WWC1: variants seen among roughly 807,000 people sequenced by gnomAD.
The protein encoded by WWC1 is protein KIBRA.
In WWC1, 55 loss-of-function variants were observed where a neutral mutation model predicts 138.4. The ratio of observed to expected loss-of-function variants is 0.40; its 90% CI spans 0.32 to 0.50. WWC1 has a LOEUF of 0.50. Among genes scored for constraint, WWC1 ranks in the 20% least tolerant of loss-of-function variants. WWC1 has a pLI of 0.72. For synonymous variants in WWC1, 524 were observed against 564.9 expected (o/e 0.93, Z 1.03); for missense variants, 1,226 against 1,420.4 (o/e 0.86, Z 2.20).
intron 1 of WWC1, among the ~76,000 whole-genome samples, chr5:168,367,488 C>T (rs1319311048): frequency 2.0e-5 from 3 of 148,550 alleles, no homozygotes; most frequent in East Asian, 2.0e-4. Context: ...CCCGCCACTG[C>T]GCCCGGCTAA....
chr5:168,406,446 C>A, intron 6 of WWC1, 119 bp downstream of exon 6: 2 of 1,419,998 alleles, frequency 1.4e-6, no homozygotes, highest in Non-Finnish European at 1.9e-6. Flanking sequence ...CATTACCAGT[C>A]TTCCTGGGGT....
At position 168,428,698 on chromosome 5, in the gene WWC1, G is replaced by T; in HGVS notation, c.1920-9G>T. 1.9e-6 allele frequency: 3 copies of T among 1,613,900 alleles called. No individual in the cohort carries two copies. The highest frequency in any genetic ancestry group is 1.7e-6 in the Non-Finnish European group (2 of 1,179,884). Reference sequence around the variant, plus strand: ...GAAGCCTAACTCCTCCTCCCCTGTTGCCTTTCAGACTGGGTGCTTCAGAAG... The same window carrying T: ...GAAGCCTAACTCCTCCTCCCCTGTTTCCTTTCAGACTGGGTGCTTCAGAAG... On this transcript the variant is annotated splice_polypyrimidine_tract_variant and intron_variant, in intron 12 of 22. Coordinates refer to ENST00000265293, the MANE Select transcript of WWC1 (RefSeq NM_015238.3).
At chr5:168,303,225 A>G (rs1214676881) in intron 1 of WWC1, among the ~76,000 whole-genome samples, 1 of 152,166 alleles carries the variant, frequency 6.6e-6, no homozygotes, top group African/African-American at 2.4e-5. Context: ...TGAGGACCAT[A>G]TATCATGTTC....
intron 18 of WWC1, among the ~76,000 whole-genome samples, chr5:168,454,511 C>T (rs1756123500): frequency 6.6e-6 from 1 of 152,240 alleles, no homozygotes; most frequent in Non-Finnish European, 1.5e-5. Flanking sequence ...TGTGGGTCTG[C>T]CCACAGCGCG....
At chr5:168,382,527 G>T (rs1433047470) in intron 2 of WWC1, among the ~76,000 whole-genome samples, 1 of 152,142 alleles carries the variant, frequency 6.6e-6, no homozygotes, top group African/African-American at 2.4e-5. Context: ...CTCAAGATAG[G>T]CTGAGCTGCT....
Position 168,292,014 on chromosome 5 carries a change from AG to A in WWC1, c.-136del. The A allele has an allele frequency of 1.0e-6, 1 of 999,518 alleles. No homozygotes were observed. Among genetic ancestry groups the A allele is most frequent in the Non-Finnish European group, 1.3e-6 (1 of 745,098 alleles). 61.9% of individuals were successfully genotyped at this position (999,518 alleles called of 1,614,324 possible). A position where few individuals can be genotyped will look rare whatever the true frequency, so the allele number is the denominator to read the frequency against. On this transcript the variant is annotated 5_prime_UTR_variant, in exon 1 of 23. Transcript: ENST00000265293. This position sits in a 1 kb window ranked among gnomAD's most constrained non-coding sequence, Gnocchi z 4.4. ...GGCGCCACCCCGGCCGGCCCCTACT[AG>A]GGCCCCCCATCTGCGGGCGCCACCC... is the stretch of plus-strand genomic sequence containing the variant.
intron 1 of WWC1, among the ~76,000 whole-genome samples, chr5:168,326,428 G>A (rs879274717): frequency 2.6e-5 from 4 of 152,088 alleles, no homozygotes; most frequent in Admixed American, 2.0e-4. Flanking sequence ...TGTTGGTCAG[G>A]CTGGTCTCGA....
intron 4 of WWC1, among the ~76,000 whole-genome samples, chr5:168,398,063 C>G (rs923775149): frequency 2.6e-5 from 4 of 151,780 alleles, no homozygotes; most frequent in Admixed American, 2.6e-4. Context: ...AAGTAACTAC[C>G]GTCATCTGCA....
Position 168,436,501 on chromosome 5 carries a change from C to G in WWC1, c.2280+5057C>G, listed in dbSNP as rs1782359155. Among the ~76,000 whole-genome samples the G allele has an allele frequency of 1.3e-5, 2 of 152,162 alleles. 1 individual carries two copies. The highest frequency in any genetic ancestry group is 4.1e-4 in the South Asian group (2 of 4,830). On this transcript the variant is annotated intron_variant, in intron 15 of 22. Transcript: ENST00000265293. Reference sequence around the variant, plus strand: ...GCAAACCCATCCCAAGTGCAGGGCTCCAGCATGGGCCTCCGCACTCGCCTC... The same window carrying G: ...GCAAACCCATCCCAAGTGCAGGGCTGCAGCATGGGCCTCCGCACTCGCCTC...
At position 168,397,921 on chromosome 5, in the gene WWC1, A is replaced by G; in HGVS notation, c.510+121A>G. On this transcript the variant is annotated intron_variant, in intron 4 of 22. Transcript: ENST00000265293. ...CAGGCTATGACAGCCAGTGCTAGCA[A>G]GGTCCTAAATAATAACAGTAGAAGC... The G allele has an allele frequency of 3.9e-6, 4 of 1,026,188 alleles. No homozygotes were observed. The South Asian group carries it at 3.9e-5, about 10-fold the overall frequency. The allele number at this position is 1,026,188 out of a possible 1,614,324, so 63.6% of individuals were successfully genotyped here.
intron 1 of WWC1, among the ~76,000 whole-genome samples, chr5:168,354,560 G>A (rs539529794): frequency 5.3e-5 from 8 of 152,272 alleles, no homozygotes; most frequent in South Asian, 2.1e-4. Context: ...TAGCACTAGT[G>A]CTGTCCTAGG....
At chr5:168,389,155 A>G (rs891701628) in intron 3 of WWC1, among the ~76,000 whole-genome samples, 2 of 152,176 alleles carry the variant, frequency 1.3e-5, no homozygotes, top group African/African-American at 4.8e-5. Context: ...CATGAGAAGC[A>G]CTATAGTAGG....
At chr5:168,363,524 CAA>C (rs386405611) in intron 1 of WWC1, among the ~76,000 whole-genome samples, 4 of 65,788 alleles carry the variant, frequency 6.1e-5, no homozygotes, top group Non-Finnish European at 7.7e-5. Context: ...GACTCTGTCT[CAA>C]AAAAAAAAAA....
intron 4 of WWC1, 138 bp downstream of exon 4, chr5:168,397,938 A>G: frequency 1.2e-6 from 1 of 833,634 alleles, no homozygotes; most frequent in Non-Finnish European, 2.0e-6. Flanking sequence ...AAATAATAAC[A>G]GTAGAAGCGG....
At chr5:168,356,597 A>G (rs970111285) in intron 1 of WWC1, among the ~76,000 whole-genome samples, 1 of 152,250 alleles carries the variant, frequency 6.6e-6, no homozygotes, top group Non-Finnish European at 1.5e-5. Context: ...ACAATCCACA[A>G]GGATCCTTTC....
intron 1 of WWC1, among the ~76,000 whole-genome samples, chr5:168,348,602 C>T (rs988186788): frequency 1.2e-4 from 19 of 152,226 alleles, no homozygotes; most frequent in African/African-American, 3.9e-4. Context: ...GCTGGGGGTG[C>T]GGCCATCACA....
intron 1 of WWC1, among the ~76,000 whole-genome samples, chr5:168,302,367 C>A (rs2152741897): frequency 6.6e-6 from 1 of 152,252 alleles, no homozygotes; most frequent in African/African-American, 2.4e-5. Context: ...AGAGCAAAGT[C>A]CCTGCTGCAA....
intron 1 of WWC1, among the ~76,000 whole-genome samples, chr5:168,332,722 T>G (rs530791299): frequency 2.0e-5 from 3 of 152,172 alleles, no homozygotes; most frequent in African/African-American, 7.2e-5. Flanking sequence ...TTTTCTTTTT[T>G]TTTTGTGACA....
At chr5:168,420,830 C>G (rs1184606119) in intron 9 of WWC1, among the ~76,000 whole-genome samples, 1 of 152,166 alleles carries the variant, frequency 6.6e-6, no homozygotes, top group Admixed American at 6.5e-5. Context: ...TTACACCTCA[C>G]AGCCACCCTC....
Sources: allele counts gnomAD v4.1 joint callset (sites outside exome capture counted in the v4.1 genomes callset), GRCh38; gene constraint gnomAD v4.1.1; non-coding constraint Gnocchi (gnomAD v3.1); transcripts MANE v1.5; gene names NCBI Gene and HGNC (gene_info 2026-07-23, HGNC 2026-07-21).